The following SUPT5H variants were observed in gnomAD, a reference collection of about 807,000 sequenced individuals.
The protein encoded by SUPT5H is SPT5 homolog, DSIF elongation factor subunit, also known as transcription elongation factor SPT5.
In SUPT5H, 24 loss-of-function variants were observed where a neutral mutation model predicts 142.5. The ratio of observed to expected loss-of-function variants is 0.17; its 90% CI spans 0.12 to 0.24. The LOEUF is 0.24. SUPT5H is among the 10% of genes least tolerant of loss of function. The pLI is 1.00. For missense variants in SUPT5H, 893 were observed against 1,471.8 expected (o/e 0.61, Z 6.43); for synonymous variants, 546 against 553.0 (o/e 0.99, Z 0.18).
chr19:39,471,208 C>T lies in SUPT5H; in HGVS notation c.1678-149C>T, dbSNP rs577160923. On this transcript the variant is annotated intron_variant, in intron 18 of 29. Transcript: ENST00000432763. The stretch of plus-strand genomic sequence containing the variant: ...CAGTACCTAAAGGGTGGCACTCTGC[C>T]TGCCTGCCCCGCAGCCAGGGAATTG... 7.4e-6 allele frequency: 7 copies of T among 944,892 alleles called. No homozygotes were observed. In the South Asian group the frequency reaches 8.3e-5, roughly 11 times the overall value. The allele number at this position is 944,892 out of a possible 1,614,324, so 58.5% of individuals were successfully genotyped here.
At chr19:39,463,253 C>T (rs111247281) in intron 10 of SUPT5H, among the ~76,000 whole-genome samples, 7 of 152,190 alleles carry the variant, frequency 4.6e-5, no homozygotes, top group South Asian at 2.1e-4. Flanking sequence ...CCTCCTGCCT[C>T]GGCCTCCCAA....
chr19:39,472,586 G>T lies in SUPT5H; in HGVS notation c.2035+93G>T, dbSNP rs1304111621. 7.4e-6 allele frequency: 11 copies of T among 1,476,512 alleles called. No individual in the cohort carries two copies. In the Admixed American group the frequency reaches 1.7e-4, roughly 22 times the overall value. The allele number at this position is 1,476,512 out of a possible 1,614,324, so 91.5% of individuals were successfully genotyped here. A position where few individuals can be genotyped will look rare whatever the true frequency, so the allele number is the denominator to read the frequency against. On this transcript the variant is annotated intron_variant, in intron 21 of 29. Transcript: ENST00000432763. The surrounding 1 kb of genome is among the most constrained non-coding windows in gnomAD (Gnocchi z 4.2). Reference sequence around the variant, plus strand: ...CTACACTCACTGAGTGCCTGTGCTGGGCTGGGCACTGCTATTAGGGGTTCA... The same window carrying T: ...CTACACTCACTGAGTGCCTGTGCTGTGCTGGGCACTGCTATTAGGGGTTCA...
Position 39,472,656 on chromosome 19 carries a change from C to T in SUPT5H, c.2036-154C>T, listed in dbSNP as rs2079337779. Among the ~76,000 whole-genome samples the T allele has an allele frequency of 6.6e-6, 1 of 152,134 alleles. No individual in the cohort carries two copies. The highest frequency in any genetic ancestry group is 6.5e-5 in the Admixed American group (1 of 15,276). On this transcript the variant is annotated intron_variant, in intron 21 of 29. Transcript: ENST00000432763. This position sits in a 1 kb window ranked among gnomAD's most constrained non-coding sequence, Gnocchi z 4.2. ...CGCCACAGTGACAGCCCAGAATGGT[C>T]AGGGCTTCCATAGGAAAGCCATGGG...
At chr19:39,456,986 C>T (rs76334617) in intron 3 of SUPT5H, among the ~76,000 whole-genome samples, 2 of 152,198 alleles carry the variant, frequency 1.3e-5, no homozygotes, top group Admixed American at 6.5e-5. Context: ...ATACTTACAT[C>T]CTCTATGGAC....
Position 39,474,195 on chromosome 19 carries a change from C to T in SUPT5H, c.2652-39C>T, listed in dbSNP as rs1370072413. The T allele has an allele frequency of 6.2e-7, 1 of 1,613,516 alleles. No homozygotes were observed. Among genetic ancestry groups the T allele is most frequent in the Non-Finnish European group, 8.5e-7 (1 of 1,179,686 alleles). On this transcript the variant is annotated intron_variant, in intron 26 of 29. Transcript: ENST00000432763. This position sits in a 1 kb window ranked among gnomAD's most constrained non-coding sequence, Gnocchi z 6.5. ...ACTGCCACCACCTCTTTTCCCCTCC[C>T]TCCTCCAACAAATGCCCCCTTCTCT...
chr19:39,474,815 T>A lies in SUPT5H; in HGVS notation c.3024+97T>A. On this transcript the variant is annotated intron_variant, in intron 28 of 29. Coordinates refer to ENST00000432763, the MANE Select transcript of SUPT5H (RefSeq NM_001111020.3). The surrounding 1 kb of genome is among the most constrained non-coding windows in gnomAD (Gnocchi z 6.5). ...GTCCCCAGATGGTGACAGCCCAGAG[T>A]GGGCAGAGCTGGGATTGAGGAAGCC... 7.4e-7 allele frequency: 1 copy of A among 1,343,862 alleles called. No individual in the cohort carries two copies. The highest frequency in any genetic ancestry group is 2.5e-5 in the East Asian group (1 of 39,752). 83.2% of individuals were successfully genotyped at this position (1,343,862 alleles called of 1,614,324 possible). A position where few individuals can be genotyped will look rare whatever the true frequency, so the allele number is the denominator to read the frequency against.
intron 10 of SUPT5H, among the ~76,000 whole-genome samples, chr19:39,461,058 C>T (rs929272297): frequency 3.3e-5 from 5 of 151,768 alleles, no homozygotes; most frequent in African/African-American, 1.2e-4. Context: ...GGGTGGATCA[C>T]GAGGTTAGGA....
chr19:39,453,331 C>G, intron 2 of SUPT5H, 25 bp from the exon 3 acceptor site: 1 of 1,567,244 alleles, frequency 6.4e-7, no homozygotes, highest in Non-Finnish European at 8.7e-7. Context: ...AATTCTGGTG[C>G]TACAACCCTG....
chr19:39,452,201 A>G (rs1353728918), intron 2 of SUPT5H, among the ~76,000 whole-genome samples: 1 of 152,182 alleles, frequency 6.6e-6, no homozygotes, highest in Non-Finnish European at 1.5e-5. Flanking sequence ...CACAGTGAGT[A>G]TGAAAGGGCT....
Position 39,470,064 on chromosome 19 carries a change from C to G in SUPT5H, c.1375-55C>G, listed in dbSNP as rs1389461174. 3 of 1,574,132 alleles carry G rather than the reference C, an allele frequency of 1.9e-6. No homozygotes were observed. The East Asian group carries it at 6.9e-5, about 36-fold the overall frequency. On this transcript the variant is annotated intron_variant, in intron 16 of 29. Coordinates refer to ENST00000432763, the MANE Select transcript of SUPT5H (RefSeq NM_001111020.3). This position sits in a 1 kb window ranked among gnomAD's most constrained non-coding sequence, Gnocchi z 5.8. ...AGATTCTGAAGACAGGAGGGGCAGG[C>G]AGGTTGTGGTGGTCTCCCTTCACCT...
rs1055434079 is a variant in SUPT5H at position 39,474,697 on chromosome 19, A to G, written c.3003A>G (p.Thr1001=). The G allele has an allele frequency of 6.8e-6, 11 of 1,613,158 alleles. No homozygotes were observed. Among genetic ancestry groups the G allele is most frequent in the Non-Finnish European group, 8.5e-6 (10 of 1,179,642 alleles). The change falls in exon 28 of 30, where the codon ACA becomes ACG. Residue 1001 remains threonine, a synonymous_variant. Coordinates refer to ENST00000432763, the MANE Select transcript of SUPT5H (RefSeq NM_001111020.3). This position sits in a 1 kb window ranked among gnomAD's most constrained non-coding sequence, Gnocchi z 6.5. ...TYLDTQVVGQ[T]GVIRSVTGGM... ...TGGATACACAGGTGGTGGGACAGAC[A>G]GGTGTCATCCGCAGTGTCACGGTAC...
rs2079360009 is a variant in SUPT5H, at chr19:39,473,777, AG to A, written c.2493-183del. Among the ~76,000 whole-genome samples the A allele has an allele frequency of 6.6e-6, 1 of 152,096 alleles. No individual in the cohort carries two copies. ...ACTGCCTGGGTGGAGTGACCTTGGG[AG>A]GGCACCCTCATCTCTGTCAACCACA... On this transcript the variant is annotated intron_variant, in intron 25 of 29. Coordinates refer to ENST00000432763, the MANE Select transcript of SUPT5H (RefSeq NM_001111020.3). The surrounding 1 kb of genome is among the most constrained non-coding windows in gnomAD (Gnocchi z 5.8).
rs570229432 is a variant in SUPT5H at position 39,471,959 on chromosome 19, A to C, written c.1950+229A>C. 133 of 621,072 alleles carry C rather than the reference A, an allele frequency of 2.1e-4. 4 individuals carry two copies. The South Asian group carries it at 2.9e-3, about 13-fold the overall frequency. 38.5% of individuals were successfully genotyped at this position (621,072 alleles called of 1,614,324 possible). A position where few individuals can be genotyped will look rare whatever the true frequency, so the allele number is the denominator to read the frequency against. ...TTACTGAGCACCTGTTAGGTGCCAG[A>C]CACTGGAGAACCAGTGGTGAACAAG... On this transcript the variant is annotated intron_variant, in intron 20 of 29. Transcript: ENST00000432763.
intron 20 of SUPT5H, 101 bp downstream of exon 20, chr19:39,471,831 A>T: frequency 6.8e-7 from 1 of 1,467,510 alleles, no homozygotes. Flanking sequence ...GTGAGGGATT[A>T]GGAGAGCAGT....
At position 39,474,536 on chromosome 19, in the gene SUPT5H, G is replaced by T; in HGVS notation, c.2842G>T (p.Val948Phe). 6.2e-7 allele frequency: 1 copy of T among 1,614,188 alleles called. No homozygotes were observed. The highest frequency in any genetic ancestry group is 8.5e-7 in the Non-Finnish European group (1 of 1,180,034). Residue 948 changes from valine to phenylalanine, a missense_variant, in exon 28 of 30, where the codon GTT becomes TTT. Transcript: ENST00000432763. This position sits in a 1 kb window ranked among gnomAD's most constrained non-coding sequence, Gnocchi z 6.5. ...GCAGGCTAGCCCCAGCCCGAGCCCCGTTGGCTACAGTCCTATGACACCTGG... is the reference window on the plus strand; with the variant it reads ...GCAGGCTAGCCCCAGCCCGAGCCCCTTTGGCTACAGTCCTATGACACCTGG... ...AYQASPSPSP[V>F]GYSPMTPGAP...
intron 2 of SUPT5H, among the ~76,000 whole-genome samples, chr19:39,449,646 G>GT (rs2078995978): frequency 6.0e-4 from 90 of 149,878 alleles, no homozygotes; most frequent in African/African-American, 1.8e-3. Context: ...AGGTTAGTTT[G>GT]GTTTTTTTTT....
rs2079277617 is a variant in SUPT5H at position 39,468,747 on chromosome 19, A to C, written c.1038-9A>C. The stretch of plus-strand genomic sequence containing the variant: ...CCCTTCTAATCTTCTCTCCCCCATC[A>C]AATTCCAGGTCCCTGGGGGGTGATG... On this transcript the variant is annotated splice_polypyrimidine_tract_variant and intron_variant, in intron 13 of 29. Transcript: ENST00000432763. 1 of 1,612,704 alleles carries C rather than the reference A, an allele frequency of 6.2e-7. No homozygotes were observed. Among genetic ancestry groups the C allele is most frequent in the Admixed American group, 1.7e-5 (1 of 59,996 alleles).
chr19:39,459,814 G>A, intron 9 of SUPT5H, 78 bp from the exon 10 acceptor site: 2 of 1,500,872 alleles, frequency 1.3e-6, no homozygotes, highest in Middle Eastern at 3.4e-4. Flanking sequence ...TATTTTTCTT[G>A]CTGCTGTCTC....
At chr19:39,459,815 C>G in intron 9 of SUPT5H, 77 bp from the exon 10 acceptor site, 2 of 1,504,012 alleles carry the variant, frequency 1.3e-6, no homozygotes, top group Non-Finnish European at 9.3e-7. Context: ...ATTTTTCTTG[C>G]TGCTGTCTCC....
Sources: gnomAD v4.1 joint callset for allele counts (sites outside exome capture counted in the v4.1 genomes callset) on GRCh38, gnomAD v4.1.1 for gene constraint, Gnocchi (gnomAD v3.1) non-coding constraint, MANE v1.5 for transcripts, NCBI Gene and HGNC (gene_info 2026-07-23, HGNC 2026-07-21) for gene names.